Variants in CEP112 observed in about 807,000 individuals in gnomAD.
CEP112 encodes the protein centrosomal protein of 112 kDa.
In CEP112, 127 loss-of-function variants were observed where a neutral mutation model predicts 153.0. The ratio of observed to expected loss-of-function variants is 0.83; its 90% CI spans 0.72 to 0.96. The LOEUF (loss-of-function observed/expected upper bound fraction) is 0.96, where lower values mean the gene tolerates loss of function less well. Among genes scored for constraint, CEP112 ranks in the 40% least tolerant of loss-of-function variants. The pLI, the probability that CEP112 is intolerant of heterozygous loss-of-function variation, is 0.00. For missense variants in CEP112, 1,089 were observed against 1,101.2 expected (o/e 0.99, Z 0.16); for synonymous variants, 358 against 374.4 (o/e 0.96, Z 0.51).
intron 24 of CEP112, among the ~76,000 whole-genome samples, chr17:65,658,854 CG>C (rs1175145245): frequency 2.0e-5 from 3 of 151,412 alleles, no homozygotes; most frequent in African/African-American, 7.3e-5. Context: ...GTTAGGAGAG[CG>C]GGGAGCAAGC....
chr17:65,823,085 T>C (rs1302884359), intron 21 of CEP112, among the ~76,000 whole-genome samples: 2 of 152,116 alleles, frequency 1.3e-5, no homozygotes, highest in African/African-American at 4.8e-5. Context: ...AGATCTTCCA[T>C]GGTCATGGAT....
At chr17:65,826,416 A>G (rs919984175) in intron 21 of CEP112, 35 of 1,570,970 alleles carry the variant, frequency 2.2e-5, no homozygotes, top group African/African-American at 2.8e-5. Flanking sequence ...CTCCCCTGAT[A>G]GAAAGGTGAC....
chr17:66,171,562 G>A (rs1449180389), intron 4 of CEP112, among the ~76,000 whole-genome samples: 3 of 152,054 alleles, frequency 2.0e-5, no homozygotes, highest in East Asian at 1.9e-4. Context: ...GAGTAAAGGA[G>A]GAAATTTAGA....
intron 12 of CEP112, among the ~76,000 whole-genome samples, chr17:66,031,435 A>C (rs12943679): frequency 0.93 from 139,296 of 150,332 alleles, 64,786 homozygotes; most frequent in East Asian, 0.97. Context: ...GCAGATCACA[A>C]TCCCAATGCT....
At chr17:66,048,670 C>A (rs2056232) in intron 12 of CEP112, among the ~76,000 whole-genome samples, 1 of 151,898 alleles carries the variant, frequency 6.6e-6, no homozygotes, top group African/African-American at 2.4e-5. Flanking sequence ...AGTGCAGTGG[C>A]GTGATCTCGG....
At chr17:66,093,298 C>T (rs1818698819) in intron 8 of CEP112, among the ~76,000 whole-genome samples, 1 of 152,096 alleles carries the variant, frequency 6.6e-6, no homozygotes, top group African/African-American at 2.4e-5. Flanking sequence ...GCTGAGATTG[C>T]ACCACTGTAC....
At chr17:65,776,096 T>A (rs1426575522) in intron 21 of CEP112, among the ~76,000 whole-genome samples, 3 of 152,214 alleles carry the variant, frequency 2.0e-5, no homozygotes, top group African/African-American at 7.2e-5. Flanking sequence ...CACAAGTCGC[T>A]GGACTTCTAC....
intron 18 of CEP112, among the ~76,000 whole-genome samples, chr17:65,934,490 C>T (rs968458377): frequency 6.6e-6 from 1 of 152,096 alleles, no homozygotes; most frequent in African/African-American, 2.4e-5. Flanking sequence ...AAAGAATCTA[C>T]AAAACAACCA....
intron 6 of CEP112, among the ~76,000 whole-genome samples, chr17:66,121,473 C>T (rs964506983): frequency 6.6e-6 from 1 of 152,066 alleles, no homozygotes; most frequent in African/African-American, 2.4e-5. Context: ...GTTCTGGTAC[C>T]CGCATTACAC....
At chr17:66,076,707 T>C (rs548297150) in intron 8 of CEP112, among the ~76,000 whole-genome samples, 1 of 152,292 alleles carries the variant, frequency 6.6e-6, no homozygotes, top group Non-Finnish European at 1.5e-5. Flanking sequence ...GTACCACAGC[T>C]GATGCTCTCT....
chr17:65,994,792 C>T (rs2063723181), intron 17 of CEP112, among the ~76,000 whole-genome samples: 1 of 152,188 alleles, frequency 6.6e-6, no homozygotes, highest in East Asian at 1.9e-4. Flanking sequence ...AGTTTCAACA[C>T]TCCCTGTCAA....
chr17:66,114,578 CTCT>C (rs1944552343), intron 6 of CEP112, among the ~76,000 whole-genome samples: 1 of 152,268 alleles, frequency 6.6e-6, no homozygotes, highest in Non-Finnish European at 1.5e-5. Context: ...AATAAATTCA[CTCT>C]TCAACACCAA....
At chr17:65,751,574 C>G (rs1179906082) in intron 21 of CEP112, among the ~76,000 whole-genome samples, 3 of 152,136 alleles carry the variant, frequency 2.0e-5, no homozygotes, top group Non-Finnish European at 2.9e-5. Flanking sequence ...CTCTGTACGT[C>G]TGTTTCTCTC....
At chr17:65,659,455 A>G (rs1188569238) in intron 24 of CEP112, among the ~76,000 whole-genome samples, 1 of 152,244 alleles carries the variant, frequency 6.6e-6, no homozygotes, top group African/African-American at 2.4e-5. Context: ...TATACAAAAC[A>G]CAAAATAGGA....
intron 6 of CEP112, among the ~76,000 whole-genome samples, chr17:66,121,847 T>C (rs1490222477): frequency 1.3e-5 from 2 of 152,170 alleles, no homozygotes; most frequent in East Asian, 3.9e-4. Flanking sequence ...CTCTTTATGA[T>C]ATTCTGTATT....
At chr17:65,961,651 A>G in intron 17 of CEP112, 53 bp from the exon 18 acceptor site, 1 of 1,499,764 alleles carries the variant, frequency 6.7e-7, no homozygotes, top group African/African-American at 1.4e-5. Flanking sequence ...GCTAGGCCTG[A>G]ATGAAAGAAC....
At chr17:66,105,451 A>G (rs1177378629) in intron 6 of CEP112, among the ~76,000 whole-genome samples, 1 of 152,126 alleles carries the variant, frequency 6.6e-6, no homozygotes, top group East Asian at 1.9e-4. Context: ...ATAACATTCA[A>G]TTTAAATGAA....
chr17:65,937,810 CG>C (rs2061390795), intron 18 of CEP112, among the ~76,000 whole-genome samples: 1 of 101,982 alleles, frequency 9.8e-6, no homozygotes, highest in Admixed American at 1.2e-4. Flanking sequence ...GTCAGCCCCC[CG>C]CCCGGCCAGC....
Position 65,728,324 on chromosome 17 carries a change from T to A in CEP112, c.2607+14744A>T, listed in dbSNP as rs191922179. ...AGGTTACTCTGTCAATTTTCTATAT[T>A]ATGGTGGGATTACAAAAGGGACTTT... On this transcript the variant is annotated intron_variant, in intron 23 of 26. Transcript: ENST00000535342. 1.5e-3 allele frequency among the ~76,000 whole-genome samples: 236 copies of A among 152,302 alleles called. 1 individual carries two copies. Among genetic ancestry groups the A allele is most frequent in the African/African-American group, 2.9e-3 (121 of 41,562 alleles).
Sources: gnomAD v4.1 joint callset for allele counts (sites outside exome capture counted in the v4.1 genomes callset) on GRCh38, gnomAD v4.1.1 for gene constraint, MANE v1.5 for transcripts, NCBI Gene and HGNC (gene_info 2026-07-23, HGNC 2026-07-21) for gene names.